LCN8: variants seen among roughly 807,000 people sequenced by gnomAD.
The protein encoded by LCN8 is lipocalin 8.
A neutral mutation model predicts 22.8 loss-of-function variants in LCN8; 16 were observed. The ratio of observed to expected loss-of-function variants is 0.70; its 90% CI spans 0.47 to 1.06. The LOEUF is 1.06. LCN8 is among the 50% of genes least tolerant of loss of function. The pLI is 0.00. For synonymous variants in LCN8, 92 were observed against 83.4 expected (o/e 1.10, Z -0.56); for missense variants, 189 against 203.3 (o/e 0.93, Z 0.43).
At chr9:136,754,786 A>G in intron 6 of LCN8, 2 of 1,372,162 alleles carry the variant, frequency 1.5e-6, no homozygotes, top group East Asian at 5.5e-5. Flanking sequence ...CGCCGACGGG[A>G]CCTTCGGGGG....
At chr9:136,757,400 C>T (rs977106547) in intron 1 of LCN8, 52 of 1,420,220 alleles carry the variant, frequency 3.7e-5, no homozygotes, top group Non-Finnish European at 4.3e-5. Context: ...AGCCCCTCCC[C>T]ACTGGGCCAT....
At chr9:136,754,879 G>A (rs978113969) in intron 6 of LCN8, 20 of 1,360,418 alleles carry the variant, frequency 1.5e-5, no homozygotes, top group East Asian at 5.4e-5. Context: ...TCTGCACCCC[G>A]TGACCCCAGC....
At chr9:136,757,357 C>T in intron 1 of LCN8, 189 bp from the exon 2 acceptor site, 1 of 1,436,426 alleles carries the variant, frequency 7.0e-7, no homozygotes, top group Admixed American at 2.8e-5. Flanking sequence ...CAAGCGGTGC[C>T]TTCAGGCCAT....
At position 136,756,033 on chromosome 9, in the gene LCN8, TG is replaced by T. The variant is rs1847183734; in HGVS notation, c.226+488del. 7 of 1,283,536 alleles carry T rather than the reference TG, an allele frequency of 5.5e-6. No individual in the cohort carries two copies. In the South Asian group the frequency reaches 6.2e-5, roughly 11 times the overall value. 79.5% of individuals were successfully genotyped at this position (1,283,536 alleles called of 1,614,324 possible). A position where few individuals can be genotyped will look rare whatever the true frequency, so the allele number is the denominator to read the frequency against. ...ATGGGGAATAGTGCAGGAAACAGCA[TG>T]GGGAACAGTGCAGGGAGCAGTGCGG... On this transcript the variant is annotated intron_variant, in intron 3 of 6. Coordinates refer to ENST00000371688, the MANE Select transcript of LCN8 (RefSeq NM_178469.4).
Position 136,754,454 on chromosome 9 carries a change from G to A in LCN8, c.*44C>T, listed in dbSNP as rs200053942. 2.6e-6 allele frequency: 4 copies of A among 1,554,544 alleles called. No individual in the cohort carries two copies. Among genetic ancestry groups the A allele is most frequent in the Middle Eastern group, 1.7e-4 (1 of 5,966 alleles). On this transcript the variant is annotated 3_prime_UTR_variant, in exon 7 of 7. Coordinates refer to ENST00000371688, the MANE Select transcript of LCN8 (RefSeq NM_178469.4). ...GGCAGGGTGCCCAGGAGGGGCAGGG[G>A]TGGGCGGGCGCTCCGAACCTTGTGG...
intron 6 of LCN8, 29 bp downstream of exon 6, chr9:136,755,106 C>T (rs1234576938): frequency 2.6e-6 from 4 of 1,511,796 alleles, no homozygotes; most frequent in Non-Finnish European, 3.5e-6. Flanking sequence ...GGAACTTCAG[C>T]ACAGGCCAGG....
chr9:136,757,848 C>T, intron 1 of LCN8, 59 bp downstream of exon 1: 3 of 1,613,436 alleles, frequency 1.9e-6, no homozygotes, highest in Non-Finnish European at 2.5e-6. Flanking sequence ...GCCTCCTTCC[C>T]TGAGCCTGAG....
upstream of LCN8, chr9:136,758,317 C>T (rs1436644970): frequency 1.6e-5 from 18 of 1,142,056 alleles, no homozygotes; most frequent in Non-Finnish European, 1.8e-5. Flanking sequence ...ACCCCCACCC[C>T]ACATGACACT....
At chr9:136,758,342 C>T (rs2131094206), upstream of LCN8, 26 of 1,078,576 alleles carry the variant, frequency 2.4e-5, no homozygotes, top group African/African-American at 3.2e-5. Context: ...TTTTTGGGCT[C>T]GTTCTGGCCT....
chr9:136,756,701 G>T, intron 2 of LCN8, 109 bp from the exon 3 acceptor site: 1 of 1,445,124 alleles, frequency 6.9e-7, no homozygotes, highest in Admixed American at 2.1e-5. Flanking sequence ...GCAGCACTGT[G>T]GAGTATCCCA....
chr9:136,757,348 A>G, intron 1 of LCN8, 180 bp from the exon 2 acceptor site: 2 of 1,440,906 alleles, frequency 1.4e-6, no homozygotes, highest in Non-Finnish European at 9.1e-7. Context: ...GTGTCCCTCC[A>G]AGCGGTGCCT....
Position 136,758,003 on chromosome 9 carries a change from G to A in LCN8, c.-73C>T, listed in dbSNP as rs544042670. ...TGCACGGCAGCCTGGCCTCCGTGGCGGGGTCCGGGCTCCGGGTTCCCCTGC... is the reference window on the plus strand; with the variant it reads ...TGCACGGCAGCCTGGCCTCCGTGGCAGGGTCCGGGCTCCGGGTTCCCCTGC... On this transcript the variant is annotated 5_prime_UTR_variant, in exon 1 of 7. Coordinates refer to ENST00000371688, the MANE Select transcript of LCN8 (RefSeq NM_178469.4). 330 of 1,591,184 alleles carry A rather than the reference G, an allele frequency of 2.1e-4. 3 individuals are homozygous for A. In the South Asian group the frequency reaches 2.6e-3, roughly 12 times the overall value.
chr9:136,754,446 G>C lies in LCN8; in HGVS notation c.*52C>G. 1.3e-6 allele frequency: 2 copies of C among 1,553,134 alleles called. No homozygotes were observed. The highest frequency in any genetic ancestry group is 1.7e-6 in the Non-Finnish European group (2 of 1,148,620). On this transcript the variant is annotated 3_prime_UTR_variant, in exon 7 of 7. Coordinates refer to ENST00000371688, the MANE Select transcript of LCN8 (RefSeq NM_178469.4). ...ACCTGGTGGGCAGGGTGCCCAGGAGGGGCAGGGGTGGGCGGGCGCTCCGAA... is the reference window on the plus strand; with the variant it reads ...ACCTGGTGGGCAGGGTGCCCAGGAGCGGCAGGGGTGGGCGGGCGCTCCGAA...
intron 3 of LCN8, 155 bp downstream of exon 3, chr9:136,756,367 T>TCAGGGAACAGCATGGGGAACAGTG (rs1564331857): frequency 6.0e-6 from 9 of 1,490,116 alleles, no homozygotes; most frequent in African/African-American, 5.4e-5. Flanking sequence ...AGGGAATAGT[T>TCAGGGAACAGCATGGGGAACAGTG]CAGGGAACAG....
At chr9:136,757,514 G>T in intron 1 of LCN8, 2 of 1,351,266 alleles carry the variant, frequency 1.5e-6, no homozygotes, top group Non-Finnish European at 1.9e-6. Flanking sequence ...GCCTGGAAAA[G>T]AAAGCCCGCA....
rs777471220 is a variant in LCN8, at chr9:136,755,401, G to T, written c.331+11C>A. 6.2e-7 allele frequency: 1 copy of T among 1,611,124 alleles called. No homozygotes were observed. Among genetic ancestry groups the T allele is most frequent in the Non-Finnish European group, 8.5e-7 (1 of 1,179,968 alleles). ...CAGCAGCTGGGCAGAGCCCCCCAGG[G>T]CCAAGCTTACTAAAGTACTTGAGGA... is the stretch of plus-strand genomic sequence containing the variant. On this transcript the variant is annotated intron_variant, in intron 4 of 6. Transcript: ENST00000371688.
Position 136,757,082 on chromosome 9 carries a change from G to A in LCN8, c.111C>T (p.Leu37=). Residue 37 remains leucine (L), a synonymous_variant, in exon 2 of 7, where the codon CTC becomes CTT. Coordinates refer to ENST00000371688, the MANE Select transcript of LCN8 (RefSeq NM_178469.4). Reference sequence around the variant, plus strand: ...CGGTCAGGTTACTCCCGCTCAAGGTGAGGAACAAGCCCTCCACCCGCTTCG... The same window carrying A: ...CGGTCAGGTTACTCCCGCTCAAGGTAAGGAACAAGCCCTCCACCCGCTTCG... ...TAPKRVEGLF[L]TLSGSNLTVK... is the part of the protein sequence containing the mutation. 6.2e-7 allele frequency: 1 copy of A among 1,613,632 alleles called. No individual in the cohort carries two copies. The highest frequency in any genetic ancestry group is 8.5e-7 in the Non-Finnish European group (1 of 1,179,860).
rs563341714 is a variant in LCN8 at position 136,756,405 on chromosome 9, A to G, written c.226+117T>C. Reference sequence around the variant, plus strand: ...TGGGGAACAGTGCAGGGAACAGCACAGAGAACAGTGCAGGGAACAGCATGG... The same window carrying G: ...TGGGGAACAGTGCAGGGAACAGCACGGAGAACAGTGCAGGGAACAGCATGG... On this transcript the variant is annotated intron_variant, in intron 3 of 6. Transcript: ENST00000371688. 29 of 1,591,312 alleles carry G rather than the reference A, an allele frequency of 1.8e-5. No individual in the cohort carries two copies. In the South Asian group the frequency reaches 2.1e-4, roughly 12 times the overall value.
chr9:136,757,021 GC>G lies in LCN8; in HGVS notation c.155+16del, dbSNP rs765458657. ...CATGCATGCCTCTTCCTCTCCAGCA[GC>G]CCCCAGGCCTCTTACCTGTTATATG... On this transcript the variant is annotated intron_variant, in intron 2 of 6. Transcript: ENST00000371688. 2 of 1,611,138 alleles carry G rather than the reference GC, an allele frequency of 1.2e-6. No individual in the cohort carries two copies. The highest frequency in any genetic ancestry group is 1.1e-5 in the South Asian group (1 of 90,634).
Sources: gnomAD v4.1 joint callset for allele counts on GRCh38, gnomAD v4.1.1 for gene constraint, MANE v1.5 for transcripts, NCBI Gene and HGNC (gene_info 2026-07-23, HGNC 2026-07-21) for gene names.